PARP12: variants seen among roughly 807,000 people sequenced by gnomAD.
PARP12 encodes the protein poly(ADP-ribose) polymerase family member 12.
A neutral mutation model predicts 72.4 loss-of-function variants in PARP12; 59 were observed. That is an observed-to-expected ratio of 0.81 (90% confidence interval 0.66 to 1.01). PARP12 has a LOEUF of 1.01. PARP12 is among the 50% of genes least tolerant of loss of function. The pLI is 0.00. For missense variants in PARP12, 851 were observed against 914.0 expected, an observed-to-expected ratio of 0.93 and a Z score of 0.89; for synonymous variants, 403 against 371.4, an observed-to-expected ratio of 1.09 and a Z score of -0.98.
rs778282250 is a variant in PARP12, at chr7:140,037,872, A to G, written c.1183-16T>C. The G allele has an allele frequency of 5.0e-6, 8 of 1,601,156 alleles. No homozygotes were observed. Among genetic ancestry groups the G allele is most frequent in the Non-Finnish European group, 1.7e-6 (2 of 1,169,590 alleles). ...GCACCGTGCCCTGCGATGGAAAGCC[A>G]GACACTTTATGAAGGCAAGAAACTG... On this transcript the variant is annotated splice_polypyrimidine_tract_variant and intron_variant, in intron 6 of 11. Transcript: ENST00000263549.
At chr7:140,057,645 C>T (rs1017176441) in intron 2 of PARP12, 7 of 509,490 alleles carry the variant, frequency 1.4e-5, no homozygotes, top group Non-Finnish European at 2.1e-5. Context: ...CTGAGAGGCT[C>T]AGAGAAGTTA....
intron 4 of PARP12, among the ~76,000 whole-genome samples, chr7:140,049,694 G>C (rs1585106599): frequency 6.6e-6 from 1 of 152,162 alleles, no homozygotes; most frequent in African/African-American, 2.4e-5. Flanking sequence ...CAAACAGCAG[G>C]CCTGAGGCTT....
chr7:140,041,303 A>G (rs1816456559), intron 6 of PARP12: 1 of 221,004 alleles, frequency 4.5e-6, no homozygotes, highest in Admixed American at 5.2e-5. Flanking sequence ...ACACTTGCAC[A>G]CATAGGCACC....
intron 7 of PARP12, among the ~76,000 whole-genome samples, chr7:140,036,503 G>A (rs745461054): frequency 6.6e-6 from 1 of 152,098 alleles, no homozygotes; most frequent in Non-Finnish European, 1.5e-5. Flanking sequence ...ATGTCAAGGG[G>A]GTAGTGATCT....
chr7:140,062,900 C>G lies in PARP12; in HGVS notation c.-53G>C. On this transcript the variant is annotated 5_prime_UTR_variant, in exon 1 of 12. Transcript: ENST00000263549. ...GCGGGTGGCGCGACGCGGACGGCGGCGGACGCTGGCTGGCGGGCGGCTCTC... is the reference window on the plus strand; with the variant it reads ...GCGGGTGGCGCGACGCGGACGGCGGGGGACGCTGGCTGGCGGGCGGCTCTC... 1 of 1,211,202 alleles carries G rather than the reference C, an allele frequency of 8.3e-7. No individual in the cohort carries two copies. Among genetic ancestry groups the G allele is most frequent in the Non-Finnish European group, 1.0e-6 (1 of 971,724 alleles). The allele number at this position is 1,211,202 out of a possible 1,614,324, so 75.0% of individuals were successfully genotyped here. A position where few individuals can be genotyped will look rare whatever the true frequency, so the allele number is the denominator to read the frequency against.
intron 6 of PARP12, among the ~76,000 whole-genome samples, chr7:140,040,652 G>A (rs893200579): frequency 2.6e-5 from 4 of 152,224 alleles, no homozygotes; most frequent in Admixed American, 6.5e-5. Flanking sequence ...GGCATTCTGA[G>A]TGCAGTTAAG....
chr7:140,024,127 C>T lies in PARP12; in HGVS notation c.*433G>A, dbSNP rs1341270659. 2 of 286,496 alleles carry T rather than the reference C, an allele frequency of 7.0e-6. No homozygotes were observed. Among genetic ancestry groups the T allele is most frequent in the Non-Finnish European group, 1.4e-5 (2 of 147,278 alleles). The allele number at this position is 286,496 out of a possible 1,614,324, so 17.7% of individuals were successfully genotyped here. ...AACAGGCAGAAGTGACTGTGCCGCCCGTGGGCTGTCATCCACCGGTGGCTA... is the reference window on the plus strand; with the variant it reads ...AACAGGCAGAAGTGACTGTGCCGCCTGTGGGCTGTCATCCACCGGTGGCTA... On this transcript the variant is annotated 3_prime_UTR_variant, in exon 12 of 12. Coordinates refer to ENST00000263549, the MANE Select transcript of PARP12 (RefSeq NM_022750.4).
intron 7 of PARP12, 177 bp from the exon 8 acceptor site, chr7:140,034,508 A>G (rs1816075369): frequency 2.1e-6 from 1 of 482,044 alleles, no homozygotes; most frequent in Admixed American, 3.4e-5. Context: ...CATAAAGAAA[A>G]TAGGTATCCT....
rs1396971406 is a variant in PARP12, at chr7:140,051,246, A to G, written c.862+3416T>C. On this transcript the variant is annotated intron_variant, in intron 4 of 11. Transcript: ENST00000263549. ...AACTTTATTTCTCAATATAAGCTCC[A>G]TCAAGTTCAGGACACTTTTGTAAAA... is the stretch of plus-strand genomic sequence containing the variant. Among the ~76,000 whole-genome samples the G allele has an allele frequency of 4.6e-5, 7 of 152,226 alleles. No individual in the cohort carries two copies. The East Asian group carries it at 1.3e-3, about 29-fold the overall frequency.
chr7:140,047,835 C>T (rs1288781486), intron 4 of PARP12, among the ~76,000 whole-genome samples: 3 of 152,136 alleles, frequency 2.0e-5, no homozygotes, highest in Non-Finnish European at 2.9e-5. Context: ...AGGCTAGTCT[C>T]GAACTTCTGG....
At chr7:140,025,305 A>G in intron 11 of PARP12, 1 of 290,234 alleles carries the variant, frequency 3.4e-6, no homozygotes, top group Non-Finnish European at 6.8e-6. Context: ...CTGGCAGCCC[A>G]ATGTATAGAA....
At position 140,024,912 on chromosome 7, in the gene PARP12, G is replaced by T. The variant is rs368827501; in HGVS notation, c.1781-27C>A. ...TGAAATGACACACGAGGGCTCAGCT[G>T]GTGGAGGGGCCTGCAGCCAGGAAGG... On this transcript the variant is annotated intron_variant, in intron 11 of 11. Coordinates refer to ENST00000263549, the MANE Select transcript of PARP12 (RefSeq NM_022750.4). The T allele has an allele frequency of 4.1e-5, 66 of 1,603,568 alleles. No homozygotes were observed. The African/African-American group carries it at 8.0e-4, about 20-fold the overall frequency.
Position 140,062,591 on chromosome 7 carries a change from A to G in PARP12, c.257T>C (p.Val86Ala). Reference sequence around the variant, plus strand: ...GAGGTGGAGCTGCGCGCAGAGCCCCACGCAGCCCGGCTTGGAGCCCTGGTG... The same window carrying G: ...GAGGTGGAGCTGCGCGCAGAGCCCCGCGCAGCCCGGCTTGGAGCCCTGGTG... ...RAHQGSKPGC[V>A]GLCAQLHLCR... The change falls in exon 1 of 12, where the codon GTG becomes GCG. Residue 86 changes from valine (V) to alanine (A), a missense_variant. By Grantham distance (64) the Val-to-Ala change is moderately conservative. This residue lies in a region of PARP12 where 492 missense variants were observed against 489.3 expected (regional missense o/e 1.01). Transcript: ENST00000263549. 1 of 1,532,132 alleles carries G rather than the reference A, an allele frequency of 6.5e-7. No individual in the cohort carries two copies. Among genetic ancestry groups the G allele is most frequent in the Non-Finnish European group, 8.7e-7 (1 of 1,144,076 alleles). 94.9% of individuals were successfully genotyped at this position (1,532,132 alleles called of 1,614,324 possible).
chr7:140,032,637 C>T (rs542186202), intron 8 of PARP12, among the ~76,000 whole-genome samples: 11 of 152,028 alleles, frequency 7.2e-5, no homozygotes, highest in Admixed American at 2.0e-4. Flanking sequence ...AAAGAAGAAA[C>T]GGATTGAGGA....
chr7:140,059,405 T>C (rs1377038708), intron 1 of PARP12, among the ~76,000 whole-genome samples: 14 of 151,946 alleles, frequency 9.2e-5, no homozygotes, highest in Admixed American at 9.2e-4. Flanking sequence ...AACCTAGCTT[T>C]TTTTTTTTTG....
At chr7:140,055,153 G>A (rs1428448019) in intron 3 of PARP12, among the ~76,000 whole-genome samples, 1 of 152,216 alleles carries the variant, frequency 6.6e-6, no homozygotes, top group African/African-American at 2.4e-5. Flanking sequence ...GAGAACCATT[G>A]TCTTACATGT....
intron 8 of PARP12, chr7:140,033,279 G>A (rs937503330): frequency 3.8e-5 from 37 of 985,306 alleles, no homozygotes; most frequent in African/African-American, 7.0e-5. Flanking sequence ...AGGCAGTTTC[G>A]TGGACTGATA....
chr7:140,030,627 A>ATACG (rs202217297), intron 8 of PARP12, among the ~76,000 whole-genome samples: 2 of 152,346 alleles, frequency 1.3e-5, no homozygotes, highest in East Asian at 3.9e-4. Flanking sequence ...GCATACATAC[A>ATACG]TACGTACATA....
chr7:140,043,158 C>A (rs567376066), intron 5 of PARP12, among the ~76,000 whole-genome samples: 2 of 152,052 alleles, frequency 1.3e-5, no homozygotes, highest in Admixed American at 1.3e-4. Context: ...CGCACCACTG[C>A]GCTCCAACTT....
Sources: gnomAD v4.1 joint callset for allele counts (sites outside exome capture counted in the v4.1 genomes callset) on GRCh38, gnomAD v4.1.1 for gene constraint, gnomAD v4.1.1 regional missense constraint, MANE v1.5 for transcripts, NCBI Gene and HGNC (gene_info 2026-07-23, HGNC 2026-07-21) for gene names.